ABRAXAS2: variants seen among roughly 807,000 people sequenced by gnomAD.
ABRAXAS2 encodes the protein abraxas 2, BRISC complex subunit.
In ABRAXAS2, 23 loss-of-function variants were observed where a neutral mutation model predicts 49.0. That is an observed-to-expected ratio of 0.47 (90% CI 0.34 to 0.66). The LOEUF is 0.66. ABRAXAS2 is among the 30% of genes least tolerant of loss of function. The pLI, the probability that ABRAXAS2 is intolerant of heterozygous loss-of-function variation, is 0.01. For synonymous variants in ABRAXAS2, 168 were observed against 180.2 expected (o/e 0.93, Z 0.54); for missense variants, 443 against 511.9 (o/e 0.87, Z 1.30).
chr10:124,810,814 C>G (rs904934646), intron 2 of ABRAXAS2, among the ~76,000 whole-genome samples: 1 of 151,678 alleles, frequency 6.6e-6, no homozygotes, highest in Admixed American at 6.6e-5. Context: ...ATCTCTTGAC[C>G]TTGTGATCCA....
intron 2 of ABRAXAS2, among the ~76,000 whole-genome samples, chr10:124,808,043 C>T (rs1209412509): frequency 6.6e-6 from 1 of 152,184 alleles, no homozygotes; most frequent in Admixed American, 6.6e-5. Context: ...TAGACACGCC[C>T]ACTCTCTTTG....
At chr10:124,824,442 T>C (rs1950884401) in intron 4 of ABRAXAS2, among the ~76,000 whole-genome samples, 1 of 151,650 alleles carries the variant, frequency 6.6e-6, no homozygotes, top group Admixed American at 6.6e-5. Flanking sequence ...GGCATGAGAA[T>C]TGCTTGAACC....
intron 2 of ABRAXAS2, among the ~76,000 whole-genome samples, chr10:124,815,256 G>A (rs751443982): frequency 5.9e-5 from 9 of 151,478 alleles, no homozygotes; most frequent in African/African-American, 1.9e-4. Context: ...GTGCAGTGGC[G>A]CGATCTGGGT....
chr10:124,818,070 A>G (rs550699018), intron 3 of ABRAXAS2, among the ~76,000 whole-genome samples: 1 of 152,270 alleles, frequency 6.6e-6, no homozygotes, highest in South Asian at 2.1e-4. Context: ...CTGTCAGCAA[A>G]GTAGTACCAG....
At chr10:124,830,222 G>A (rs1358684617) in intron 7 of ABRAXAS2, among the ~76,000 whole-genome samples, 1 of 152,124 alleles carries the variant, frequency 6.6e-6, no homozygotes, top group Non-Finnish European at 1.5e-5. Context: ...AGGCAAGAGG[G>A]TCGCTTGAGC....
chr10:124,832,976 T>C (rs368460143), intron 8 of ABRAXAS2, among the ~76,000 whole-genome samples: 2 of 150,432 alleles, frequency 1.3e-5, no homozygotes, highest in African/African-American at 4.9e-5. Flanking sequence ...TGAAATCCTG[T>C]CTCTACTAAA....
chr10:124,826,912 G>A (rs573408363), intron 5 of ABRAXAS2, 127 bp downstream of exon 5: 1 of 897,642 alleles, frequency 1.1e-6, no homozygotes, highest in South Asian at 1.6e-5. Flanking sequence ...AAGAGATTGA[G>A]ACCATCCTGG....
At chr10:124,832,318 A>G (rs1364990394) in intron 8 of ABRAXAS2, among the ~76,000 whole-genome samples, 2 of 152,210 alleles carry the variant, frequency 1.3e-5, no homozygotes, top group African/African-American at 4.8e-5. Context: ...AATTAGGCCC[A>G]TAAACCTAAT....
chr10:124,825,122 G>T (rs974029399), intron 4 of ABRAXAS2, among the ~76,000 whole-genome samples: 3 of 151,990 alleles, frequency 2.0e-5, no homozygotes, highest in African/African-American at 7.3e-5. Context: ...AGGAGTTCAA[G>T]ACCCACCTAG....
chr10:124,828,687 G>A, intron 5 of ABRAXAS2, 69 bp from the exon 6 acceptor site: 1 of 1,360,914 alleles, frequency 7.3e-7, no homozygotes. Flanking sequence ...TTTTTTTTTA[G>A]ACTGTCAGTC....
At chr10:124,805,574 A>G (rs962000358) in intron 1 of ABRAXAS2, among the ~76,000 whole-genome samples, 22 of 152,342 alleles carry the variant, frequency 1.4e-4, no homozygotes, top group Admixed American at 1.4e-3. Context: ...GAATAAGCAC[A>G]CAGTCCCTGC....
chr10:124,829,369 A>G (rs771948525), intron 6 of ABRAXAS2, 24 bp from the exon 7 acceptor site: 1 of 1,527,752 alleles, frequency 6.5e-7, no homozygotes, highest in South Asian at 1.1e-5. Context: ...ACCTTGAGGC[A>G]TCTTTTTTCT....
At chr10:124,803,934 T>C (rs2134156273) in intron 1 of ABRAXAS2, among the ~76,000 whole-genome samples, 1 of 152,250 alleles carries the variant, frequency 6.6e-6, no homozygotes, top group South Asian at 2.1e-4. Context: ...TTACAGGCCG[T>C]ACATTAATAA....
At chr10:124,816,712 A>C in intron 3 of ABRAXAS2, 100 bp downstream of exon 3, 2 of 803,026 alleles carry the variant, frequency 2.5e-6, no homozygotes, top group Non-Finnish European at 4.2e-6. Flanking sequence ...TAAAGTCATG[A>C]GGGTACCCAA....
At chr10:124,822,363 G>A (rs1279716508) in intron 4 of ABRAXAS2, among the ~76,000 whole-genome samples, 1 of 152,190 alleles carries the variant, frequency 6.6e-6, no homozygotes, top group African/African-American at 2.4e-5. Flanking sequence ...GAAACGATCT[G>A]AAAGGATGCT....
At chr10:124,810,589 G>T (rs910636028) in intron 2 of ABRAXAS2, among the ~76,000 whole-genome samples, 3 of 146,732 alleles carry the variant, frequency 2.0e-5, no homozygotes, top group Non-Finnish European at 4.5e-5. Context: ...GATGTTTTTG[G>T]TTTTTTTTTT....
intron 4 of ABRAXAS2, 129 bp downstream of exon 4, chr10:124,819,579 A>C: frequency 1.2e-6 from 1 of 832,652 alleles, no homozygotes; most frequent in Non-Finnish European, 1.9e-6. Flanking sequence ...GTTAACCTAC[A>C]TAGATTTTTT....
At position 124,834,146 on chromosome 10, in the gene ABRAXAS2, C is replaced by T. The variant is rs560941377; in HGVS notation, c.779-356C>T. Among the ~76,000 whole-genome samples, 11 of 152,318 alleles carry T rather than the reference C, an allele frequency of 7.2e-5. No homozygotes were observed. The South Asian group carries it at 1.7e-3, about 23-fold the overall frequency. On this transcript the variant is annotated intron_variant, in intron 8 of 8. Transcript: ENST00000298492. ...CAAGCCCCACGCCAGGGAACCAGCA[C>T]AGGTTGTGGAGCGACAGAGCCTGCA... is the stretch of plus-strand genomic sequence containing the variant.
chr10:124,810,941 C>T (rs564087072), intron 2 of ABRAXAS2, among the ~76,000 whole-genome samples: 3 of 149,162 alleles, frequency 2.0e-5, no homozygotes, highest in South Asian at 2.2e-4. Flanking sequence ...CTAAAACAGC[C>T]GGGCGTGGTG....
Sources: gnomAD v4.1 joint callset for allele counts (sites outside exome capture counted in the v4.1 genomes callset) on GRCh38, gnomAD v4.1.1 for gene constraint, MANE v1.5 for transcripts, NCBI Gene and HGNC (gene_info 2026-07-23, HGNC 2026-07-21) for gene names.